The following PDE10A variants were observed in gnomAD, a reference collection of about 807,000 sequenced individuals.
The protein encoded by PDE10A is cAMP and cAMP-inhibited cGMP 3',5'-cyclic phosphodiesterase 10A.
A neutral mutation model predicts 97.7 loss-of-function variants in PDE10A; 39 were observed. That is an observed-to-expected ratio of 0.40 (90% CI 0.31 to 0.52). The LOEUF is 0.52. PDE10A is among the 20% of genes least tolerant of loss of function. The pLI, the probability that PDE10A is intolerant of heterozygous loss-of-function variation, is 0.56. For missense variants in PDE10A, 731 were observed against 1,047.8 expected, an observed-to-expected ratio of 0.70 and a Z score of 4.17; for synonymous variants, 371 against 376.8, an observed-to-expected ratio of 0.98 and a Z score of 0.18.
chr6:165,448,847 T>C, intron 5 of PDE10A, 81 bp downstream of exon 5: 1 of 827,580 alleles, frequency 1.2e-6, no homozygotes, highest in South Asian at 1.6e-5. Flanking sequence ...AATCATGAAA[T>C]GTCGGTTGTT....
At chr6:165,668,805 AGGAGGGAG>A (rs1379197899) in intron 1 of PDE10A, among the ~76,000 whole-genome samples, 3 of 26,510 alleles carry the variant, frequency 1.1e-4, no homozygotes, top group Admixed American at 5.4e-4. Flanking sequence ...GGGGAAGGAA[AGGAGGGAG>A]GGAGGGAGGG....
At chr6:165,448,229 T>C (rs945286185) in intron 5 of PDE10A, among the ~76,000 whole-genome samples, 3 of 152,248 alleles carry the variant, frequency 2.0e-5, no homozygotes, top group Admixed American at 1.3e-4. Flanking sequence ...ATTAGCATTA[T>C]TGGCTCAGAT....
At chr6:165,965,659 G>A (rs1784489936) in intron 1 of PDE10A, among the ~76,000 whole-genome samples, 2 of 152,154 alleles carry the variant, frequency 1.3e-5, no homozygotes, top group African/African-American at 4.8e-5. Context: ...TTCAATAGTG[G>A]CTTTGGGTTT....
chr6:165,514,031 T>C (rs1781656362), intron 2 of PDE10A, among the ~76,000 whole-genome samples: 1 of 152,206 alleles, frequency 6.6e-6, no homozygotes. Flanking sequence ...CCTTCTACTC[T>C]GCTGAGAACT....
intron 1 of PDE10A, among the ~76,000 whole-genome samples, chr6:165,801,193 A>G (rs1029275866): frequency 3.9e-5 from 6 of 152,200 alleles, no homozygotes; most frequent in African/African-American, 1.2e-4. Context: ...CATGAACAGC[A>G]TTGCAAAGGC....
At chr6:165,462,632 C>T (rs775347784) in intron 3 of PDE10A, among the ~76,000 whole-genome samples, 20 of 152,080 alleles carry the variant, frequency 1.3e-4, no homozygotes, top group African/African-American at 3.9e-4. Context: ...CCAACTGTCA[C>T]GAGCAACACC....
intron 1 of PDE10A, among the ~76,000 whole-genome samples, chr6:165,684,386 A>G (rs1237595241): frequency 1.3e-5 from 2 of 152,234 alleles, no homozygotes; most frequent in African/African-American, 4.8e-5. Flanking sequence ...ATAAATAAAT[A>G]TTTGTTCATC....
At chr6:165,501,097 C>CCGGCT (rs1464953089) in intron 2 of PDE10A, among the ~76,000 whole-genome samples, 1 of 152,152 alleles carries the variant, frequency 6.6e-6, no homozygotes, top group Admixed American at 6.5e-5. Context: ...GAGACCATTG[C>CCGGCT]CGGCTCGGGT....
intron 1 of PDE10A, among the ~76,000 whole-genome samples, chr6:165,772,596 C>G (rs2128460140): frequency 6.6e-6 from 1 of 152,226 alleles, no homozygotes; most frequent in Admixed American, 6.5e-5. Flanking sequence ...ATGAGGCCTG[C>G]GTGACCTCCG....
intron 1 of PDE10A, among the ~76,000 whole-genome samples, chr6:165,722,675 G>A (rs1455430696): frequency 6.6e-6 from 1 of 152,144 alleles, no homozygotes; most frequent in African/African-American, 2.4e-5. Context: ...CATGGAAAGT[G>A]AAACCTTGGA....
intron 17 of PDE10A, among the ~76,000 whole-genome samples, chr6:165,380,431 C>G (rs1304024641): frequency 6.6e-6 from 1 of 152,134 alleles, no homozygotes; most frequent in South Asian, 2.1e-4. Flanking sequence ...CATTTGTTTT[C>G]AATTATCAGA....
At position 165,327,843 on chromosome 6, in the gene PDE10A, G is replaced by T. The variant is rs1041222211; in HGVS notation, c.*5182C>A. 1 of 152,172 alleles carries T rather than the reference G, an allele frequency of 6.6e-6. No homozygotes were observed. The highest frequency in any genetic ancestry group is 1.5e-5 in the Non-Finnish European group (1 of 68,034). 9.4% of individuals were successfully genotyped at this position (152,172 alleles called of 1,614,324 possible). On this transcript the variant is annotated 3_prime_UTR_variant, in exon 22 of 22. Coordinates refer to ENST00000539869, the MANE Select transcript of PDE10A (RefSeq NM_001385079.1). ...ACAGGTTCATTGACTCTACAAATCA[G>T]TTCTTCATGAGCATTGTATTTGTGA...
At chr6:165,406,870 A>G (rs2128223556) in intron 13 of PDE10A, among the ~76,000 whole-genome samples, 1 of 152,302 alleles carries the variant, frequency 6.6e-6, no homozygotes, top group Non-Finnish European at 1.5e-5. Flanking sequence ...GTCCTTGAAC[A>G]TCAGATCTCC....
intron 1 of PDE10A, among the ~76,000 whole-genome samples, chr6:165,914,113 C>A (rs1782540415): frequency 6.6e-6 from 1 of 152,232 alleles, no homozygotes; most frequent in South Asian, 2.1e-4. Context: ...TACATATACA[C>A]CTCCTTTGGC....
chr6:165,826,065 A>G (rs1779732665), intron 1 of PDE10A, among the ~76,000 whole-genome samples: 1 of 152,216 alleles, frequency 6.6e-6, no homozygotes, highest in Non-Finnish European at 1.5e-5. Flanking sequence ...TCACGCCAGG[A>G]TGGCAGAACA....
At chr6:165,733,564 A>G (rs548657960) in intron 1 of PDE10A, among the ~76,000 whole-genome samples, 2 of 152,360 alleles carry the variant, frequency 1.3e-5, no homozygotes, top group South Asian at 2.1e-4. Context: ...AGCACAGTAG[A>G]AGAATAGAGC....
At chr6:165,380,863 G>A (rs1230170540) in intron 17 of PDE10A, among the ~76,000 whole-genome samples, 14 of 152,344 alleles carry the variant, frequency 9.2e-5, no homozygotes, top group South Asian at 8.3e-4. Context: ...TGAAGTGACC[G>A]TAACTCACGT....
At chr6:165,890,685 G>C (rs1781768427) in intron 1 of PDE10A, among the ~76,000 whole-genome samples, 1 of 152,196 alleles carries the variant, frequency 6.6e-6, no homozygotes, top group South Asian at 2.1e-4. Flanking sequence ...CACAGCGTTA[G>C]AAAGGTGAAG....
At position 165,493,511 on chromosome 6, in the gene PDE10A, T is replaced by C. The variant is rs114689021; in HGVS notation, c.995-11168A>G. Among the ~76,000 whole-genome samples, 1,013 of 152,048 alleles carry C rather than the reference T, an allele frequency of 6.7e-3. 11 individuals carry two copies. Among genetic ancestry groups the C allele is most frequent in the African/African-American group, 0.023 (939 of 41,476 alleles). On this transcript the variant is annotated intron_variant, in intron 2 of 21. Transcript: ENST00000539869. The stretch of plus-strand genomic sequence containing the variant: ...GGCATATAGACCAATGCAAACAGAA[T>C]AGAGAACCAAGAAATAAGGCGAAAT...
Sources: allele counts gnomAD v4.1 joint callset (sites outside exome capture counted in the v4.1 genomes callset), GRCh38; gene constraint gnomAD v4.1.1; transcripts MANE v1.5; gene names NCBI Gene and HGNC (gene_info 2026-07-23, HGNC 2026-07-21).